Variants in PDE2A observed in about 807,000 individuals in gnomAD.
The protein encoded by PDE2A is cGMP-dependent 3',5'-cyclic phosphodiesterase.
A neutral mutation model predicts 133.6 loss-of-function variants in PDE2A; 53 were observed. That is an observed-to-expected ratio of 0.40 (90% CI 0.32 to 0.50). The LOEUF (loss-of-function observed/expected upper bound fraction) is 0.50, where lower values mean the gene tolerates loss of function less well. PDE2A is among the 20% of genes least tolerant of loss of function. The probability of loss-of-function intolerance (pLI) is 0.73; values close to 1 mark genes in which losing one functional copy is unlikely to be tolerated. For missense variants in PDE2A, 796 were observed against 1,232.4 expected, an observed-to-expected ratio of 0.65 and a Z score of 5.30; for synonymous variants, 491 against 490.2, an observed-to-expected ratio of 1.00 and a Z score of -0.02.
At chr11:72,601,425 A>C (rs1400010072) in intron 4 of PDE2A, among the ~76,000 whole-genome samples, 1 of 142,308 alleles carries the variant, frequency 7.0e-6, no homozygotes, top group Non-Finnish European at 1.5e-5. Context: ...AGATGGGAGC[A>C]GACCGTTCCC....
Position 72,597,559 on chromosome 11 carries a change from T to C in PDE2A, c.384A>G (p.Pro128=). 1 of 1,610,186 alleles carries C rather than the reference T, an allele frequency of 6.2e-7. No homozygotes were observed. Among genetic ancestry groups the C allele is most frequent in the South Asian group, 1.1e-5 (1 of 91,032 alleles). The change falls in exon 5 of 31, where the codon CCA becomes CCG. Residue 128 remains proline (P), a synonymous_variant. Coordinates refer to ENST00000334456, the MANE Select transcript of PDE2A (RefSeq NM_002599.5). This position sits in a 1 kb window ranked among gnomAD's most constrained non-coding sequence, Gnocchi z 4.6. The part of the protein sequence containing the change: ...GCNGLGFSDL[P]GKPLARLVAP... ...CCACCAGCCTGGCCAAGGGCTTCCCTGGCAGGTCTGAGAAGCCCAGCCCAT... is the reference window on the plus strand; with the variant it reads ...CCACCAGCCTGGCCAAGGGCTTCCCCGGCAGGTCTGAGAAGCCCAGCCCAT...
At chr11:72,616,087 A>G (rs1366498257) in intron 2 of PDE2A, among the ~76,000 whole-genome samples, 1 of 152,190 alleles carries the variant, frequency 6.6e-6, no homozygotes, top group Non-Finnish European at 1.5e-5. Flanking sequence ...AGAGGCAGGC[A>G]TGGTGGCTCA....
At position 72,578,554 on chromosome 11, in the gene PDE2A, T is replaced by C. The variant is rs1855567325; in HGVS notation, c.2470-40A>G. On this transcript the variant is annotated intron_variant, in intron 28 of 30. Coordinates refer to ENST00000334456, the MANE Select transcript of PDE2A (RefSeq NM_002599.5). The surrounding 1 kb of genome is among the most constrained non-coding windows in gnomAD (Gnocchi z 4.2). ...CTCTCATCACATCCTCTATGTAGGA[T>C]ACATCCACCCAAGCTCCTCTGACAG... 1 of 1,547,218 alleles carries C rather than the reference T, an allele frequency of 6.5e-7. No individual in the cohort carries two copies. The highest frequency in any genetic ancestry group is 8.9e-7 in the Non-Finnish European group (1 of 1,119,112).
intron 14 of PDE2A, among the ~76,000 whole-genome samples, 177 bp downstream of exon 14, chr11:72,585,893 C>T (rs1698574807): frequency 6.6e-6 from 1 of 152,148 alleles, no homozygotes; most frequent in African/African-American, 2.4e-5. Flanking sequence ...ACAGTGCCTG[C>T]GGGCAGTGGC....
chr11:72,651,268 A>G (rs1854734720), intron 1 of PDE2A, among the ~76,000 whole-genome samples: 1 of 152,220 alleles, frequency 6.6e-6, no homozygotes, highest in African/African-American at 2.4e-5. Context: ...CTAAGACTCC[A>G]GCACCTGGTT....
Position 72,585,560 on chromosome 11 carries a change from G to A in PDE2A, c.1216C>T (p.His406Tyr). ...GAGAGAACAGTGCACTCACCCAGGT[G>A]GGTGAAGAGGTTCTTTGCCACTTGG... ...LLQVAKNLFT[H>Y]LDDVSVLLQE... Residue 406 changes from histidine to tyrosine, a missense_variant, in exon 15 of 31, where the codon CAC becomes TAC. This residue lies in a region of PDE2A where 31 missense variants were observed against 70.2 expected (regional missense o/e 0.44). Coordinates refer to ENST00000334456, the MANE Select transcript of PDE2A (RefSeq NM_002599.5). The A allele has an allele frequency of 6.2e-7, 1 of 1,614,136 alleles. No homozygotes were observed. The highest frequency in any genetic ancestry group is 8.5e-7 in the Non-Finnish European group (1 of 1,179,968).
chr11:72,624,363 T>C (rs551290503), intron 2 of PDE2A, among the ~76,000 whole-genome samples: 1 of 152,338 alleles, frequency 6.6e-6, no homozygotes, highest in Admixed American at 6.5e-5. Context: ...GACAGTGTCC[T>C]ACACAGCACT....
At chr11:72,603,796 G>A (rs1272495046) in intron 4 of PDE2A, among the ~76,000 whole-genome samples, 1 of 152,210 alleles carries the variant, frequency 6.6e-6, no homozygotes, top group East Asian at 1.9e-4. Context: ...AGGGGAAGGT[G>A]AAAGGAGCTC....
chr11:72,653,821 C>A (rs1854816361), intron 1 of PDE2A, among the ~76,000 whole-genome samples: 2 of 152,238 alleles, frequency 1.3e-5, no homozygotes, highest in African/African-American at 4.8e-5. Flanking sequence ...ATCATCTGGG[C>A]ACAGAAGCTC....
chr11:72,590,341 G>T lies in PDE2A; in HGVS notation c.703+86C>A. 1 of 1,537,692 alleles carries T rather than the reference G, an allele frequency of 6.5e-7. No homozygotes were observed. The highest frequency in any genetic ancestry group is 8.8e-7 in the Non-Finnish European group (1 of 1,135,746). On this transcript the variant is annotated intron_variant, in intron 8 of 30. Coordinates refer to ENST00000334456, the MANE Select transcript of PDE2A (RefSeq NM_002599.5). This position sits in a 1 kb window ranked among gnomAD's most constrained non-coding sequence, Gnocchi z 4.8. ...TCAGCTCCGCGCCGGGCCCGCCGCCGGCTCCCGGGATCGCCTAACCCGCCC... is the reference window on the plus strand; with the variant it reads ...TCAGCTCCGCGCCGGGCCCGCCGCCTGCTCCCGGGATCGCCTAACCCGCCC...
intron 2 of PDE2A, among the ~76,000 whole-genome samples, chr11:72,618,291 C>T (rs943535423): frequency 2.0e-5 from 3 of 152,244 alleles, no homozygotes; most frequent in African/African-American, 4.8e-5. Flanking sequence ...TCCAGCCTCC[C>T]CACTCCCAGC....
At chr11:72,651,973 CGAT>C (rs1355687036) in intron 1 of PDE2A, among the ~76,000 whole-genome samples, 1 of 152,214 alleles carries the variant, frequency 6.6e-6, no homozygotes, top group East Asian at 1.9e-4. Flanking sequence ...CTGATCTCTA[CGAT>C]GACAGAGTGG....
rs2135267277 is a variant in PDE2A, at chr11:72,578,761, T to A, written c.2469+136A>T. On this transcript the variant is annotated intron_variant, in intron 28 of 30. Coordinates refer to ENST00000334456, the MANE Select transcript of PDE2A (RefSeq NM_002599.5). This position sits in a 1 kb window ranked among gnomAD's most constrained non-coding sequence, Gnocchi z 4.2. Reference sequence around the variant, plus strand: ...CTCTCTGAGTCTCCATTTGTCACCCTGAGATGGTCTAGGTTTCTGTCTCCC... The same window carrying A: ...CTCTCTGAGTCTCCATTTGTCACCCAGAGATGGTCTAGGTTTCTGTCTCCC... 1.5e-6 allele frequency: 1 copy of A among 675,110 alleles called. No individual in the cohort carries two copies. The highest frequency in any genetic ancestry group is 2.7e-6 in the Non-Finnish European group (1 of 374,050). 41.8% of individuals were successfully genotyped at this position (675,110 alleles called of 1,614,324 possible).
chr11:72,657,088 C>T (rs373161094), intron 1 of PDE2A, among the ~76,000 whole-genome samples: 1 of 152,164 alleles, frequency 6.6e-6, no homozygotes, highest in Non-Finnish European at 1.5e-5. Context: ...TACTGAAAAC[C>T]TCCTCCCCAC....
At chr11:72,579,998 T>A (rs932607906) in intron 25 of PDE2A, 2 of 214,110 alleles carry the variant, frequency 9.3e-6, no homozygotes, top group African/African-American at 4.6e-5. Context: ...TTCCGGATGC[T>A]GAAGGGCTGT....
intron 1 of PDE2A, among the ~76,000 whole-genome samples, chr11:72,662,603 G>C (rs1855099522): frequency 6.6e-6 from 1 of 152,170 alleles, no homozygotes; most frequent in Non-Finnish European, 1.5e-5. Flanking sequence ...CAGGCAGCAT[G>C]AGGCAGGGAG....
chr11:72,658,008 G>A (rs1261732946), intron 1 of PDE2A: 1 of 456,152 alleles, frequency 2.2e-6, no homozygotes, highest in Non-Finnish European at 4.4e-6. Context: ...CATATGTTGT[G>A]CCTTCTCCTG....
chr11:72,608,851 A>T, intron 2 of PDE2A, 100 bp from the exon 3 acceptor site: 1 of 677,376 alleles, frequency 1.5e-6, no homozygotes, highest in Non-Finnish European at 2.7e-6. Context: ...CTTAGTCCAG[A>T]GCCCGAGTCT....
At chr11:72,661,426 T>C (rs951863904) in intron 1 of PDE2A, among the ~76,000 whole-genome samples, 48 of 152,162 alleles carry the variant, frequency 3.2e-4, no homozygotes, top group Middle Eastern at 3.2e-3. Context: ...GGGGGGGTTT[T>C]TTGGCCCTAA....
Sources: allele counts gnomAD v4.1 joint callset (sites outside exome capture counted in the v4.1 genomes callset), GRCh38; gene constraint gnomAD v4.1.1; regional missense constraint gnomAD v4.1.1; non-coding constraint Gnocchi (gnomAD v3.1); transcripts MANE v1.5; gene names NCBI Gene and HGNC (gene_info 2026-07-23, HGNC 2026-07-21).